The following PPP2CA variants were observed in gnomAD, a reference collection of about 807,000 sequenced individuals.
The protein encoded by PPP2CA is protein phosphatase 2 catalytic subunit alpha.
A neutral mutation model predicts 38.8 loss-of-function variants in PPP2CA; 5 were observed. The ratio of observed to expected loss-of-function variants is 0.13; its 90% CI spans 0.07 to 0.27. PPP2CA has a LOEUF of 0.27. Among genes scored for constraint, PPP2CA ranks in the 10% least tolerant of loss-of-function variants. PPP2CA has a pLI of 1.00. For missense variants in PPP2CA, 88 were observed against 389.7 expected, an observed-to-expected ratio of 0.23 and a Z score of 6.52; for synonymous variants, 152 against 134.0, an observed-to-expected ratio of 1.13 and a Z score of -0.93.
intron 3 of PPP2CA, 148 bp downstream of exon 3, chr5:134,201,700 A>T: frequency 5.4e-6 from 5 of 922,138 alleles, no homozygotes; most frequent in South Asian, 3.7e-5. Flanking sequence ...GTCAAATTAA[A>T]TTTTTTTTAA....
chr5:134,209,699 A>G (rs1000524504), intron 1 of PPP2CA, among the ~76,000 whole-genome samples: 1 of 151,858 alleles, frequency 6.6e-6, no homozygotes, highest in African/African-American at 2.4e-5. Context: ...AATAGCTTGA[A>G]CCTGGGAGGC....
chr5:134,217,220 C>T (rs767145217), intron 1 of PPP2CA, among the ~76,000 whole-genome samples: 28 of 151,948 alleles, frequency 1.8e-4, no homozygotes, highest in Middle Eastern at 3.4e-3. Context: ...GTGGAGGTGG[C>T]GGTGAGCCAA....
chr5:134,195,627 A>G lies in PPP2CA; in HGVS notation c.*2145T>C, dbSNP rs1315435411. 6.6e-6 allele frequency: 1 copy of G among 152,250 alleles called. No individual in the cohort carries two copies. Among genetic ancestry groups the G allele is most frequent in the Non-Finnish European group, 1.5e-5 (1 of 68,048 alleles). The allele number at this position is 152,250 out of a possible 1,614,324, so 9.4% of individuals were successfully genotyped here. ...TGAGACATCAGTTAACACCCAACTT[A>G]GTGATTCCCATCCAACCATAATTAT... is the stretch of plus-strand genomic sequence containing the variant. On this transcript the variant is annotated 3_prime_UTR_variant, in exon 7 of 7. Coordinates refer to ENST00000481195, the MANE Select transcript of PPP2CA (RefSeq NM_002715.4).
At chr5:134,218,979 G>T (rs1362230511) in intron 1 of PPP2CA, among the ~76,000 whole-genome samples, 1 of 152,052 alleles carries the variant, frequency 6.6e-6, no homozygotes, top group Admixed American at 6.6e-5. Context: ...AGCCTAGATG[G>T]TCTTTAAGGT....
chr5:134,218,661 GTTTC>G (rs1367861285), intron 1 of PPP2CA, among the ~76,000 whole-genome samples: 2 of 133,290 alleles, frequency 1.5e-5, no homozygotes, highest in East Asian at 2.1e-4. Context: ...CTAGATGGTT[GTTTC>G]TTTCTTTTTT....
In PPP2CA at chr5:134,195,120, T is replaced by C. The variant is rs547773626; in HGVS notation, c.*2652A>G. 3.5e-4 allele frequency: 54 copies of C among 152,280 alleles called. No homozygotes were observed. The highest frequency in any genetic ancestry group is 1.3e-3 in the African/African-American group (52 of 41,546). 9.4% of individuals were successfully genotyped at this position (152,280 alleles called of 1,614,324 possible). A position where few individuals can be genotyped will look rare whatever the true frequency, so the allele number is the denominator to read the frequency against. On this transcript the variant is annotated 3_prime_UTR_variant, in exon 7 of 7. Transcript: ENST00000481195. ...AAATACCGACTACAACCAACAAATG[T>C]TTAATATGCAGCAAATGAAAAAATC...
At chr5:134,197,931 T>C in intron 6 of PPP2CA, 87 bp from the exon 7 acceptor site, 4 of 1,089,422 alleles carry the variant, frequency 3.7e-6, no homozygotes, top group Non-Finnish European at 5.6e-6. Flanking sequence ...TTCCAAACTT[T>C]ACACTTCCTA....
intron 1 of PPP2CA, among the ~76,000 whole-genome samples, chr5:134,212,692 A>C (rs1208191995): frequency 6.6e-6 from 1 of 152,256 alleles, no homozygotes; most frequent in African/African-American, 2.4e-5. Context: ...TTCTTGCACC[A>C]AACTGCTAAG....
chr5:134,223,183 T>A (rs1762481539), intron 1 of PPP2CA, among the ~76,000 whole-genome samples: 1 of 152,138 alleles, frequency 6.6e-6, no homozygotes, highest in South Asian at 2.1e-4. Context: ...TCTCAAAAAA[T>A]ACTATTATTA....
chr5:134,210,803 C>G (rs187532585), intron 1 of PPP2CA, among the ~76,000 whole-genome samples: 2 of 151,994 alleles, frequency 1.3e-5, no homozygotes, highest in African/African-American at 4.8e-5. Context: ...GGTGACAAAG[C>G]GAGACTCCAT....
intron 2 of PPP2CA, among the ~76,000 whole-genome samples, chr5:134,203,010 C>A (rs1464990793): frequency 6.6e-6 from 1 of 152,164 alleles, no homozygotes; most frequent in Non-Finnish European, 1.5e-5. Flanking sequence ...ACTGACCACT[C>A]ATGTATCATC....
chr5:134,221,625 A>T (rs2868600), intron 1 of PPP2CA, among the ~76,000 whole-genome samples: 4 of 152,052 alleles, frequency 2.6e-5, no homozygotes, highest in Admixed American at 1.3e-4. Flanking sequence ...CAAGACAAAG[A>T]GGAACAACAG....
intron 1 of PPP2CA, among the ~76,000 whole-genome samples, chr5:134,217,938 G>A (rs565153675): frequency 6.6e-6 from 1 of 152,258 alleles, no homozygotes; most frequent in South Asian, 2.1e-4. Context: ...AATGCTGTAG[G>A]CAACTGTTAA....
intron 4 of PPP2CA, 85 bp downstream of exon 4, chr5:134,200,900 G>T: frequency 9.0e-7 from 1 of 1,110,470 alleles, no homozygotes; most frequent in Non-Finnish European, 1.4e-6. Flanking sequence ...AATTATATGA[G>T]AGAATACATC....
chr5:134,221,356 G>A (rs1044494054), intron 1 of PPP2CA, among the ~76,000 whole-genome samples: 6 of 152,254 alleles, frequency 3.9e-5, no homozygotes, highest in African/African-American at 1.4e-4. Context: ...CTCGTGATCC[G>A]CCTGCCGTGG....
At chr5:134,217,320 A>G (rs1762342467) in intron 1 of PPP2CA, among the ~76,000 whole-genome samples, 1 of 152,182 alleles carries the variant, frequency 6.6e-6, no homozygotes, top group Admixed American at 6.5e-5. Context: ...TATTAATTCT[A>G]ATGTTCATTG....
chr5:134,213,508 G>A (rs1762252206), intron 1 of PPP2CA, among the ~76,000 whole-genome samples: 1 of 151,392 alleles, frequency 6.6e-6, no homozygotes, highest in Admixed American at 6.6e-5. Flanking sequence ...AATATTAGCT[G>A]GGCATAGTGG....
chr5:134,225,610 G>C (rs1561448694), intron 1 of PPP2CA, 150 bp downstream of exon 1: 2 of 609,126 alleles, frequency 3.3e-6, no homozygotes, highest in African/African-American at 2.0e-5. Flanking sequence ...GGGTCGTTAG[G>C]AAGCCGCCGC....
chr5:134,214,605 A>G (rs1762278351), intron 1 of PPP2CA, among the ~76,000 whole-genome samples: 1 of 152,220 alleles, frequency 6.6e-6, no homozygotes, highest in African/African-American at 2.4e-5. Context: ...ATTTCTGAGT[A>G]CAAACTTTTT....
Sources: allele counts gnomAD v4.1 joint callset (sites outside exome capture counted in the v4.1 genomes callset), GRCh38; gene constraint gnomAD v4.1.1; transcripts MANE v1.5; gene names NCBI Gene and HGNC (gene_info 2026-07-23, HGNC 2026-07-21).